Variants in CDC42BPB observed in about 807,000 individuals in gnomAD.
The protein encoded by CDC42BPB is serine/threonine-protein kinase MRCK beta.
Under a neutral mutation model 214.9 loss-of-function variants are expected in CDC42BPB, and 37 were observed. The ratio of observed to expected loss-of-function variants is 0.17; its 90% CI spans 0.13 to 0.23. The LOEUF (loss-of-function observed/expected upper bound fraction) is 0.23, where lower values mean the gene tolerates loss of function less well. CDC42BPB is among the 10% of genes least tolerant of loss of function. CDC42BPB has a pLI of 1.00. For synonymous variants in CDC42BPB, 931 were observed against 884.0 expected (o/e 1.05, Z -0.94); for missense variants, 1,694 against 2,227.0 (o/e 0.76, Z 4.82).
rs1158091192 is a variant in CDC42BPB, at chr14:102,940,596, A to T, written c.4409-272T>A. 11 of 830,610 alleles carry T rather than the reference A, an allele frequency of 1.3e-5. No homozygotes were observed. The South Asian group carries it at 2.0e-4, about 15-fold the overall frequency. 51.5% of individuals were successfully genotyped at this position (830,610 alleles called of 1,614,324 possible). A position where few individuals can be genotyped will look rare whatever the true frequency, so the allele number is the denominator to read the frequency against. On this transcript the variant is annotated intron_variant, in intron 30 of 36. Transcript: ENST00000361246. ...AGTACAGATGTTGAAGGTGACTTTT[A>T]AAAAGTCTGGTTTTTCATTTAGCTC...
At chr14:103,041,182 T>C (rs1016433149) in intron 1 of CDC42BPB, among the ~76,000 whole-genome samples, 3 of 152,226 alleles carry the variant, frequency 2.0e-5, no homozygotes, top group Non-Finnish European at 2.9e-5. Context: ...GGGGAAAGAA[T>C]ATAGTCTGTT....
intron 1 of CDC42BPB, among the ~76,000 whole-genome samples, chr14:103,054,383 T>A (rs1042864448): frequency 6.6e-6 from 1 of 152,238 alleles, no homozygotes; most frequent in African/African-American, 2.4e-5. Context: ...AGGTTTCAAA[T>A]GTCATGGAGT....
At chr14:102,983,405 A>C (rs1894094852) in intron 7 of CDC42BPB, 151 bp downstream of exon 7, 3 of 1,208,612 alleles carry the variant, frequency 2.5e-6, no homozygotes, top group Non-Finnish European at 3.4e-6. Context: ...TGTCTACTCC[A>C]ATCTGCCTGT....
chr14:103,041,654 T>C (rs1888004773), intron 1 of CDC42BPB: 5 of 602,682 alleles, frequency 8.3e-6, no homozygotes, highest in South Asian at 8.2e-5. Context: ...TGCCGCACAG[T>C]GCGAAATCAC....
chr14:103,008,442 T>C (rs756309010), intron 3 of CDC42BPB, 30 bp downstream of exon 3: 42 of 1,441,186 alleles, frequency 2.9e-5, no homozygotes, highest in Non-Finnish European at 3.7e-5. Flanking sequence ...CCAAGCCCCA[T>C]TTGTATGGCT....
chr14:102,954,542 G>C, intron 22 of CDC42BPB, 60 bp downstream of exon 22: 4 of 1,479,266 alleles, frequency 2.7e-6, no homozygotes, highest in Non-Finnish European at 2.8e-6. Flanking sequence ...GCAGCATCTG[G>C]TCACCTGGAC....
chr14:103,050,372 G>GT (rs1275026588), intron 1 of CDC42BPB, among the ~76,000 whole-genome samples: 2 of 152,232 alleles, frequency 1.3e-5, no homozygotes, highest in African/African-American at 4.8e-5. Context: ...TTAGAGGGCT[G>GT]TTTGCCCAGA....
intron 20 of CDC42BPB, among the ~76,000 whole-genome samples, chr14:102,960,640 G>GA (rs1375867061): frequency 6.6e-6 from 1 of 151,956 alleles, no homozygotes; most frequent in Non-Finnish European, 1.5e-5. Flanking sequence ...CAAAAAACAA[G>GA]AATCAAGTGG....
chr14:103,008,718 A>G (rs1461417901), intron 2 of CDC42BPB, 163 bp from the exon 3 acceptor site: 1 of 984,650 alleles, frequency 1.0e-6, no homozygotes, highest in Admixed American at 6.2e-5. Flanking sequence ...CTGCATCAAG[A>G]ACCTTTTCTT....
intron 1 of CDC42BPB, among the ~76,000 whole-genome samples, chr14:103,026,347 C>T (rs1422718725): frequency 1.3e-5 from 2 of 151,866 alleles, no homozygotes; most frequent in Admixed American, 6.6e-5. Flanking sequence ...GCCGAGATCA[C>T]GCCATTGCAT....
intron 1 of CDC42BPB, among the ~76,000 whole-genome samples, chr14:103,027,692 T>C (rs1887130329): frequency 6.6e-6 from 1 of 152,192 alleles, no homozygotes; most frequent in Non-Finnish European, 1.5e-5. Context: ...AAAAGTATAT[T>C]AGTGGTTGCC....
At chr14:103,002,483 C>A (rs1895033482) in intron 4 of CDC42BPB, among the ~76,000 whole-genome samples, 1 of 152,212 alleles carries the variant, frequency 6.6e-6, no homozygotes, top group Non-Finnish European at 1.5e-5. Flanking sequence ...AAACAAGCAT[C>A]ATCATCTTCC....
At chr14:102,950,784 G>A in intron 24 of CDC42BPB, 182 bp from the exon 25 acceptor site, 1 of 596,668 alleles carries the variant, frequency 1.7e-6, no homozygotes, top group Non-Finnish European at 2.1e-6. Context: ...TGGCCAACAT[G>A]GTGAAATCCC....
At chr14:102,963,188 T>C in intron 19 of CDC42BPB, 33 bp from the exon 20 acceptor site, 1 of 1,548,712 alleles carries the variant, frequency 6.5e-7, no homozygotes, top group Non-Finnish European at 8.8e-7. Flanking sequence ...TTAAGTGCAC[T>C]GAGAAGAGGT....
intron 7 of CDC42BPB, among the ~76,000 whole-genome samples, chr14:102,981,635 C>T (rs190757583): frequency 5.3e-5 from 8 of 152,062 alleles, no homozygotes; most frequent in Non-Finnish European, 7.4e-5. Context: ...ACAAAAATTA[C>T]CGGGCGTGGT....
chr14:102,949,940 A>G (rs542214234), intron 25 of CDC42BPB, 36 bp from the exon 26 acceptor site: 2 of 1,608,444 alleles, frequency 1.2e-6, no homozygotes, highest in South Asian at 2.2e-5. Context: ...ACGTTCCACC[A>G]GGCCAGGCAG....
At chr14:102,986,397 T>C (rs1894249365) in intron 6 of CDC42BPB, 90 bp downstream of exon 6, 1 of 794,112 alleles carries the variant, frequency 1.3e-6, no homozygotes, top group East Asian at 2.5e-5. Context: ...ATATACTTGG[T>C]TTCTTAATTG....
intron 1 of CDC42BPB, among the ~76,000 whole-genome samples, chr14:103,037,936 G>A (rs1027045050): frequency 1.8e-4 from 28 of 152,160 alleles, no homozygotes; most frequent in Admixed American, 1.6e-3. Context: ...GGCTGAGGCA[G>A]GAGAATGGTG....
chr14:103,027,451 G>T (rs1392838753), intron 1 of CDC42BPB, among the ~76,000 whole-genome samples: 4 of 152,150 alleles, frequency 2.6e-5, no homozygotes, highest in Admixed American at 6.5e-5. Flanking sequence ...ATTCGTAATA[G>T]TCAAAAAGTG....
Sources: allele counts gnomAD v4.1 joint callset (sites outside exome capture counted in the v4.1 genomes callset), GRCh38; gene constraint gnomAD v4.1.1; transcripts MANE v1.5; gene names NCBI Gene and HGNC (gene_info 2026-07-23, HGNC 2026-07-21).